ADGRF5: variants seen among roughly 807,000 people sequenced by gnomAD.
The protein encoded by ADGRF5 is adhesion G protein-coupled receptor F5.
A neutral mutation model predicts 132.3 loss-of-function variants in ADGRF5; 75 were observed. The observed-to-expected ratio is 0.57, with a 90% CI of 0.47 to 0.69. The LOEUF (loss-of-function observed/expected upper bound fraction) is 0.69, where lower values mean the gene tolerates loss of function less well. ADGRF5 is among the 30% of genes least tolerant of loss of function. ADGRF5 has a pLI of 0.00. For synonymous variants in ADGRF5, 629 were observed against 597.6 expected (o/e 1.05, Z -0.77); for missense variants, 1,516 against 1,630.6 (o/e 0.93, Z 1.21).
chr6:46,921,260 G>A (rs1443445736), intron 1 of ADGRF5, among the ~76,000 whole-genome samples: 1 of 152,048 alleles, frequency 6.6e-6, no homozygotes, highest in Non-Finnish European at 1.5e-5. Context: ...CGAATAGCCA[G>A]GGCTCCCTCC....
At chr6:46,922,858 G>A (rs1283351012), upstream of ADGRF5, among the ~76,000 whole-genome samples, 1 of 152,210 alleles carries the variant, frequency 6.6e-6, no homozygotes, top group East Asian at 1.9e-4. Flanking sequence ...GAGTCAGACT[G>A]TAGGAACTGA....
chr6:46,924,031 A>G (rs1777132794), upstream of ADGRF5, among the ~76,000 whole-genome samples: 1 of 152,222 alleles, frequency 6.6e-6, no homozygotes, highest in Non-Finnish European at 1.5e-5. Flanking sequence ...TGTAAGGTAC[A>G]GTCTCATTAG....
chr6:46,941,243 T>A (rs1778033082), intron 1 of ADGRF5, among the ~76,000 whole-genome samples: 1 of 151,470 alleles, frequency 6.6e-6, no homozygotes, highest in African/African-American at 2.4e-5. Context: ...GGTGGGAGGA[T>A]CATTTGAGCC....
intron 1 of ADGRF5, among the ~76,000 whole-genome samples, chr6:46,920,696 C>A (rs1416706374): frequency 6.6e-6 from 1 of 151,998 alleles, no homozygotes; most frequent in East Asian, 1.9e-4. Flanking sequence ...AACCCCATCT[C>A]TACTAAAAAT....
chr6:46,925,909 C>CT (rs1195066899), upstream of ADGRF5, among the ~76,000 whole-genome samples: 27 of 152,008 alleles, frequency 1.8e-4, no homozygotes, highest in African/African-American at 6.3e-4. Context: ...GTAAGCCCTG[C>CT]TTTTTTTTAT....
chr6:46,948,667 G>A (rs771911251), intron 1 of ADGRF5, among the ~76,000 whole-genome samples: 27 of 152,246 alleles, frequency 1.8e-4, no homozygotes, highest in South Asian at 1.2e-3. Context: ...TTCACAGTAC[G>A]GGTGAGATTT....
At chr6:46,885,738 T>C (rs1773008700) in intron 4 of ADGRF5, among the ~76,000 whole-genome samples, 1 of 152,240 alleles carries the variant, frequency 6.6e-6, no homozygotes, top group South Asian at 2.1e-4. Flanking sequence ...CTGCAGGATG[T>C]ATGTTAGAGC....
At chr6:46,888,705 C>T (rs1204582035) in intron 3 of ADGRF5, among the ~76,000 whole-genome samples, 200 bp from the exon 4 acceptor site, 1 of 152,138 alleles carries the variant, frequency 6.6e-6, no homozygotes, top group Non-Finnish European at 1.5e-5. Flanking sequence ...CCAAGCACTG[C>T]TGTGTGAAGT....
At chr6:46,882,337 G>A (rs369582891) in intron 6 of ADGRF5, among the ~76,000 whole-genome samples, 1 of 152,094 alleles carries the variant, frequency 6.6e-6, no homozygotes, top group African/African-American at 2.4e-5. Context: ...TTTACTCAGG[G>A]AAATGTCTAG....
intron 10 of ADGRF5, among the ~76,000 whole-genome samples, chr6:46,877,334 T>TGCC (rs1771903354): frequency 1.2e-5 from 1 of 83,522 alleles, no homozygotes. Flanking sequence ...TCTTTCTTTC[T>TGCC]TTCTTTCTTT....
intron 1 of ADGRF5, among the ~76,000 whole-genome samples, chr6:46,907,188 T>A (rs1013398014): frequency 1.3e-5 from 2 of 152,216 alleles, no homozygotes; most frequent in Admixed American, 1.3e-4. Flanking sequence ...TAGCATCCCA[T>A]TAAATGGACA....
rs573651824 is a variant in ADGRF5 at position 46,894,513 on chromosome 6, A to T, written c.157+5516T>A. On this transcript the variant is annotated intron_variant, in intron 3 of 20. Transcript: ENST00000283296. ...AGCCCCATCTTACCTAGTAAGATGA[A>T]GGCAGATATACCAGTCTTCCTTACA... is the stretch of plus-strand genomic sequence containing the variant. Among the ~76,000 whole-genome samples the T allele has an allele frequency of 1.5e-3, 223 of 152,302 alleles. 1 individual carries two copies. The highest frequency in any genetic ancestry group is 5.3e-3 in the African/African-American group (219 of 41,558).
At chr6:46,877,934 C>T (rs962696202) in intron 10 of ADGRF5, among the ~76,000 whole-genome samples, 5 of 152,174 alleles carry the variant, frequency 3.3e-5, no homozygotes, top group African/African-American at 1.2e-4. Context: ...TGCCATCGAC[C>T]TAAGTCATCG....
rs1770768255 is a variant in ADGRF5, at chr6:46,869,045, T to C, written c.1459A>G (p.Asn487Asp). ...TCACTGATGCATTTTATAGAAAAGTTTTGTCCCTCAGAAACAGAAATTGGG... is the reference window on the plus strand; with the variant it reads ...TCACTGATGCATTTTATAGAAAAGTCTTGTCCCTCAGAAACAGAAATTGGG... ...PDPISVSEGQ[N>D]FSIKCISDVS... The change falls in exon 12 of 21, where the codon AAC becomes GAC. Residue 487 changes from asparagine (N) to aspartate (D), a missense_variant. Coordinates refer to ENST00000283296, the MANE Select transcript of ADGRF5 (RefSeq NM_001098518.2). 1 of 1,613,936 alleles carries C rather than the reference T, an allele frequency of 6.2e-7. No individual in the cohort carries two copies. Among genetic ancestry groups the C allele is most frequent in the African/African-American group, 1.3e-5 (1 of 74,898 alleles).
intron 1 of ADGRF5, among the ~76,000 whole-genome samples, chr6:46,948,834 G>A (rs904378497): frequency 9.9e-5 from 15 of 152,120 alleles, no homozygotes; most frequent in African/African-American, 2.9e-4. Context: ...TGATCCAACC[G>A]AGGTGATGAC....
intron 10 of ADGRF5, among the ~76,000 whole-genome samples, chr6:46,877,436 A>G (rs1771944778): frequency 6.7e-6 from 1 of 149,550 alleles, no homozygotes; most frequent in African/African-American, 2.5e-5. Context: ...ATATAATCTG[A>G]ACCTCAATTT....
At chr6:46,888,062 C>G in intron 4 of ADGRF5, 2 of 279,786 alleles carry the variant, frequency 7.1e-6, no homozygotes, top group Non-Finnish European at 6.3e-6. Context: ...TTATGAAGGA[C>G]CTGGCCATAT....
At chr6:46,877,309 CCT>C in intron 10 of ADGRF5, among the ~76,000 whole-genome samples, 2 of 22,078 alleles carry the variant, frequency 9.1e-5, no homozygotes, top group African/African-American at 3.8e-4. Context: ...CTCTCTCTTT[CCT>C]TCCTTCCTTC....
At chr6:46,916,583 C>A (rs1008398002) in intron 1 of ADGRF5, among the ~76,000 whole-genome samples, 4 of 152,218 alleles carry the variant, frequency 2.6e-5, no homozygotes, top group South Asian at 4.1e-4. Context: ...ACATTATCAT[C>A]TTACATCTAG....
Sources: gnomAD v4.1 joint callset for allele counts (sites outside exome capture counted in the v4.1 genomes callset) on GRCh38, gnomAD v4.1.1 for gene constraint, MANE v1.5 for transcripts, NCBI Gene and HGNC (gene_info 2026-07-23, HGNC 2026-07-21) for gene names.